SYT16: variants seen among roughly 807,000 people sequenced by gnomAD.
The protein encoded by SYT16 is synaptotagmin 16, also known as synaptotagmin-16.
Under a neutral mutation model 61.4 loss-of-function variants are expected in SYT16, and 42 were observed. The ratio of observed to expected loss-of-function variants is 0.68; its 90% CI spans 0.53 to 0.89. The LOEUF (loss-of-function observed/expected upper bound fraction) is 0.89, where lower values mean the gene tolerates loss of function less well. Among genes scored for constraint, SYT16 ranks in the 40% least tolerant of loss-of-function variants. The pLI is 0.00. For synonymous variants in SYT16, 314 were observed against 302.3 expected (o/e 1.04, Z -0.40); for missense variants, 804 against 807.3 (o/e 1.00, Z 0.05).
At position 62,055,646 on chromosome 14, in the gene SYT16, G is replaced by C. The variant is rs77299901; in HGVS notation, c.524-13957G>C. Among the ~76,000 whole-genome samples, 352 of 152,264 alleles carry C rather than the reference G, an allele frequency of 2.3e-3. 19 individuals carry two copies. The East Asian group carries it at 0.064, about 28-fold the overall frequency. ...AGAGGCTAGAGGAGCCCTTGATATA[G>C]GGTGGATCCCTTAGGTGAATAATCA... is the stretch of plus-strand genomic sequence containing the variant. On this transcript the variant is annotated intron_variant, in intron 3 of 7. Coordinates refer to ENST00000683842, the MANE Select transcript of SYT16 (RefSeq NM_001367656.1).
At chr14:61,926,280 A>T (rs2049534458) in intron 1 of SYT16, among the ~76,000 whole-genome samples, 1 of 152,130 alleles carries the variant, frequency 6.6e-6, no homozygotes, top group Admixed American at 6.5e-5. Flanking sequence ...TGTCTGGTTG[A>T]AACTCATGGG....
chr14:62,020,518 C>T (rs752695995), intron 3 of SYT16, among the ~76,000 whole-genome samples: 4 of 152,136 alleles, frequency 2.6e-5, no homozygotes, highest in Non-Finnish European at 5.9e-5. Context: ...GGTTCAGTTG[C>T]AAAGTTTTCC....
At chr14:61,993,089 T>C (rs1959325) in intron 2 of SYT16, among the ~76,000 whole-genome samples, 31,765 of 152,050 alleles carry the variant, frequency 0.21, 4,512 homozygotes, top group East Asian at 0.64. Context: ...GAATATGAGC[T>C]GTACTAATTT....
chr14:62,048,219 C>A (rs1417313840), intron 3 of SYT16, among the ~76,000 whole-genome samples: 1 of 152,152 alleles, frequency 6.6e-6, no homozygotes, highest in Non-Finnish European at 1.5e-5. Context: ...GTGTATGTGT[C>A]TAGGAATTTA....
At chr14:62,078,245 A>G (rs978787370) in intron 5 of SYT16, among the ~76,000 whole-genome samples, 1 of 151,924 alleles carries the variant, frequency 6.6e-6, no homozygotes, top group African/African-American at 2.4e-5. Flanking sequence ...GGGGAAGAAG[A>G]AAGGAGACTG....
intron 2 of SYT16, among the ~76,000 whole-genome samples, chr14:61,983,120 A>T (rs2140569291): frequency 6.6e-6 from 1 of 152,330 alleles, no homozygotes; most frequent in Middle Eastern, 3.4e-3. Context: ...TCTGCATTGA[A>T]GTGGGTGTCT....
At chr14:61,965,457 C>T (rs775235254) in intron 1 of SYT16, among the ~76,000 whole-genome samples, 2 of 152,122 alleles carry the variant, frequency 1.3e-5, no homozygotes, top group Admixed American at 6.6e-5. Flanking sequence ...TCTCTAACCT[C>T]TCTCTAACTG....
chr14:62,079,477 A>T, intron 5 of SYT16: 1 of 528,808 alleles, frequency 1.9e-6, no homozygotes, highest in Non-Finnish European at 2.8e-6. Context: ...GGAAAGGATT[A>T]AATGACTTGC....
At chr14:61,957,563 A>G (rs929147609) in intron 1 of SYT16, among the ~76,000 whole-genome samples, 2 of 152,000 alleles carry the variant, frequency 1.3e-5, no homozygotes, top group East Asian at 1.9e-4. Flanking sequence ...TGAGATGATT[A>G]TGTGATTTTT....
chr14:62,038,698 A>C (rs1175064461), intron 3 of SYT16, among the ~76,000 whole-genome samples: 5 of 152,104 alleles, frequency 3.3e-5, no homozygotes, highest in Non-Finnish European at 2.9e-5. Flanking sequence ...TGGCATTTGT[A>C]CTTTGTGTTG....
intron 3 of SYT16, among the ~76,000 whole-genome samples, chr14:62,016,059 T>G (rs969436895): frequency 6.6e-6 from 1 of 152,190 alleles, no homozygotes; most frequent in Admixed American, 6.5e-5. Flanking sequence ...TGAATGGGTC[T>G]GTTTCAGAAA....
At chr14:61,980,838 G>A (rs2052037874) in intron 2 of SYT16, among the ~76,000 whole-genome samples, 1 of 152,158 alleles carries the variant, frequency 6.6e-6, no homozygotes, top group Admixed American at 6.6e-5. Context: ...CTTTAGATAG[G>A]ACTGAGACCA....
chr14:62,059,160 A>C (rs2055702152), intron 3 of SYT16, among the ~76,000 whole-genome samples: 1 of 152,140 alleles, frequency 6.6e-6, no homozygotes, highest in African/African-American at 2.4e-5. Context: ...ATCTGTACAA[A>C]AAAACCCCCA....
intron 3 of SYT16, among the ~76,000 whole-genome samples, chr14:62,033,827 C>T (rs887183716): frequency 1.3e-5 from 2 of 151,978 alleles, no homozygotes; most frequent in African/African-American, 4.8e-5. Flanking sequence ...ACACTAAAAG[C>T]ACAAGTGACA....
chr14:62,024,438 C>A (rs1182646307), intron 3 of SYT16, among the ~76,000 whole-genome samples: 1 of 151,932 alleles, frequency 6.6e-6, no homozygotes, highest in East Asian at 1.9e-4. Context: ...TGTGTATTAT[C>A]CTTAAAATAA....
chr14:62,054,405 G>T (rs1456717497), intron 3 of SYT16, among the ~76,000 whole-genome samples: 1 of 146,134 alleles, frequency 6.8e-6, no homozygotes, highest in Admixed American at 7.1e-5. Flanking sequence ...CTGTCATCCA[G>T]GCTGGAGTGC....
At chr14:61,963,389 A>G (rs2051188357) in intron 1 of SYT16, among the ~76,000 whole-genome samples, 1 of 152,190 alleles carries the variant, frequency 6.6e-6, no homozygotes, top group Admixed American at 6.6e-5. Context: ...AATGATAAGG[A>G]AGCAAAACAG....
intron 1 of SYT16, among the ~76,000 whole-genome samples, chr14:61,847,185 T>C (rs930000906): frequency 6.6e-6 from 1 of 152,232 alleles, no homozygotes; most frequent in Admixed American, 6.5e-5. Context: ...ATTAACATCC[T>C]TTTCTTCCTA....
At chr14:61,835,630 C>A (rs2046104695) in intron 1 of SYT16, among the ~76,000 whole-genome samples, 1 of 151,540 alleles carries the variant, frequency 6.6e-6, no homozygotes, top group South Asian at 2.1e-4. Flanking sequence ...TTTAAAAGAT[C>A]AAAAAATACT....
Sources: gnomAD v4.1 joint callset for allele counts (sites outside exome capture counted in the v4.1 genomes callset) on GRCh38, gnomAD v4.1.1 for gene constraint, MANE v1.5 for transcripts, NCBI Gene and HGNC (gene_info 2026-07-23, HGNC 2026-07-21) for gene names.